The following TMIGD3 variants were observed in gnomAD, a reference collection of about 807,000 sequenced individuals.
TMIGD3 encodes transmembrane and immunoglobulin domain containing 3.
TMIGD3 carries 21 observed loss-of-function variants against 28.1 expected under a neutral mutation model. That is an observed-to-expected ratio of 0.75 (90% CI 0.53 to 1.08). The LOEUF is 1.08. Among genes scored for constraint, TMIGD3 ranks in the 50% least tolerant of loss-of-function variants. The probability of loss-of-function intolerance (pLI) is 0.00; values close to 1 mark genes in which losing one functional copy is unlikely to be tolerated. For missense variants in TMIGD3, 416 were observed against 435.6 expected (o/e 0.96, Z 0.40); for synonymous variants, 151 against 162.1 (o/e 0.93, Z 0.52).
At position 111,503,095 on chromosome 1, in the gene TMIGD3, G is replaced by A. The variant is rs1465287032; in HGVS notation, c.260C>T (p.Thr87Ile). The A allele has an allele frequency of 3.1e-6, 5 of 1,614,096 alleles. No individual in the cohort carries two copies. Among genetic ancestry groups the A allele is most frequent in the Admixed American group, 1.7e-5 (1 of 60,010 alleles). ...GTGGGTAAAGATAAGCAGTAGGCAA[G>A]TCATAAAAAGGCAGCTGTAGAAGTG... Reference protein sequence around the residue: ...TIHFYSCLFMTCLLLIFTHAS... With the variant: ...TIHFYSCLFMICLLLIFTHAS... The change falls in exon 1 of 6, where the codon ACT (threonine) becomes ATT (isoleucine). Residue 87 changes from threonine to isoleucine, a missense_variant. Thr to Ile is a moderately conservative substitution (Grantham distance 89). Coordinates refer to ENST00000369716, the MANE Select transcript of TMIGD3 (RefSeq NM_020683.7).
intron 1 of TMIGD3, among the ~76,000 whole-genome samples, chr1:111,497,963 C>T (rs1428173539): frequency 6.6e-6 from 1 of 152,098 alleles, no homozygotes; most frequent in Non-Finnish European, 1.5e-5. Context: ...TCCAATGGGG[C>T]AAAAGTTGTT....
intron 1 of TMIGD3, among the ~76,000 whole-genome samples, chr1:111,534,954 C>T (rs1478788912): frequency 6.6e-6 from 1 of 152,106 alleles, no homozygotes. Context: ...TATCAGGAAA[C>T]AAAGAGACAC....
At position 111,503,127 on chromosome 1, in the gene TMIGD3, G is replaced by T; in HGVS notation, c.228C>A (p.Ile76=). 6.2e-7 allele frequency: 1 copy of T among 1,614,208 alleles called. No individual in the cohort carries two copies. Among genetic ancestry groups the T allele is most frequent in the Non-Finnish European group, 8.5e-7 (1 of 1,180,036 alleles). ...MPLAIVVSLG[I]TIHFYSCLFM... ...AAAGGCAGCTGTAGAAGTGGATTGTGATGCCCAGGCTGACAACAATGGCCA... is the reference window on the plus strand; with the variant it reads ...AAAGGCAGCTGTAGAAGTGGATTGTTATGCCCAGGCTGACAACAATGGCCA... The change falls in exon 1 of 6, where the codon ATC becomes ATA. Residue 76 remains isoleucine (I), a synonymous_variant. Coordinates refer to ENST00000369716, the MANE Select transcript of TMIGD3 (RefSeq NM_020683.7).
At chr1:111,518,738 T>C (rs1173198734) in intron 1 of TMIGD3, among the ~76,000 whole-genome samples, 3 of 152,204 alleles carry the variant, frequency 2.0e-5, no homozygotes, top group Non-Finnish European at 2.9e-5. Context: ...AACTAGATAC[T>C]GAAATCTACT....
chr1:111,509,121 C>T (rs2100992461), intron 1 of TMIGD3, among the ~76,000 whole-genome samples: 1 of 152,266 alleles, frequency 6.6e-6, no homozygotes, highest in East Asian at 1.9e-4. Flanking sequence ...AAAAGCAGCA[C>T]CAGGATGGGA....
At chr1:111,520,888 G>T (rs79464777) in intron 1 of TMIGD3, among the ~76,000 whole-genome samples, 2 of 152,166 alleles carry the variant, frequency 1.3e-5, no homozygotes, top group Non-Finnish European at 2.9e-5. Context: ...TAAAGTGCAC[G>T]CTTTGACTTA....
At chr1:111,490,327 A>G (rs1220640996) in intron 2 of TMIGD3, 1 of 243,066 alleles carries the variant, frequency 4.1e-6, no homozygotes, top group Non-Finnish European at 7.9e-6. Flanking sequence ...AAAAATATGG[A>G]ATGCGTAATG....
chr1:111,511,925 G>A (rs1156836237), intron 1 of TMIGD3, among the ~76,000 whole-genome samples: 2 of 152,162 alleles, frequency 1.3e-5, no homozygotes, highest in Non-Finnish European at 2.9e-5. Context: ...TGTTCATGAT[G>A]GGGTTTTTAG....
At chr1:111,506,641 T>C (rs1479998685), upstream of TMIGD3, among the ~76,000 whole-genome samples, 1 of 152,116 alleles carries the variant, frequency 6.6e-6, no homozygotes, top group South Asian at 2.1e-4. Context: ...CTGGGTTTGA[T>C]GTTGCCATGC....
At chr1:111,517,093 G>T (rs1655895497) in intron 1 of TMIGD3, among the ~76,000 whole-genome samples, 1 of 152,176 alleles carries the variant, frequency 6.6e-6, no homozygotes, top group African/African-American at 2.4e-5. Context: ...GTGCAGGAGT[G>T]CAAGCTCATG....
intron 1 of TMIGD3, among the ~76,000 whole-genome samples, chr1:111,536,813 CT>C (rs1340425635): frequency 1.3e-5 from 2 of 152,034 alleles, no homozygotes; most frequent in African/African-American, 4.8e-5. Context: ...TTGTCCCTTC[CT>C]TTCCTCTCCA....
At chr1:111,523,635 G>A (rs181859310) in intron 1 of TMIGD3, among the ~76,000 whole-genome samples, 98 of 152,058 alleles carry the variant, frequency 6.4e-4, no homozygotes, top group African/African-American at 2.1e-3. Context: ...TATGGGCTTC[G>A]AGTTTTCTTT....
intron 1 of TMIGD3, among the ~76,000 whole-genome samples, chr1:111,535,220 C>T (rs1469760557): frequency 1.3e-5 from 2 of 152,212 alleles, no homozygotes; most frequent in African/African-American, 2.4e-5. Flanking sequence ...ACTATTATAT[C>T]GAAATGTATC....
rs576010822 is a variant in TMIGD3, at chr1:111,523,792, G to A, written c.108-33030C>T. Among the ~76,000 whole-genome samples, 10 of 151,954 alleles carry A rather than the reference G, an allele frequency of 6.6e-5. 2 individuals carry two copies. The highest frequency in any genetic ancestry group is 2.4e-4 in the African/African-American group (10 of 41,460). On this transcript the variant is annotated intron_variant, in intron 1 of 5. Transcript: ENST00000369717. ...GATTATCCTTTCAGTGTGTGTGGGA[G>A]CCGTAGTTATGTGCCCTTTTTAATT...
chr1:111,560,791 TG>T (rs1171557263), intron 1 of TMIGD3, among the ~76,000 whole-genome samples: 1 of 152,144 alleles, frequency 6.6e-6, no homozygotes, highest in Non-Finnish European at 1.5e-5. Flanking sequence ...AGCACCTGGC[TG>T]GGTAAATAGT....
chr1:111,514,643 A>AACACACACAC lies in TMIGD3; in HGVS notation c.108-23891_108-23882dup, dbSNP rs113195244. Reference sequence around the variant, plus strand: ...TATATGAGTGTGCATACAGTATGGGAACACACACACACACACACACACACA... The same window carrying AACACACACAC: ...TATATGAGTGTGCATACAGTATGGGAACACACACACACACACACACACACACACACACACA... On this transcript the variant is annotated intron_variant, in intron 1 of 5. Coordinates refer to the TMIGD3 transcript ENST00000369717. Among the ~76,000 whole-genome samples the AACACACACAC allele has an allele frequency of 6.4e-3, 949 of 149,006 alleles. 11 individuals are homozygous for AACACACACAC. Among genetic ancestry groups the AACACACACAC allele is most frequent in the African/African-American group, 0.021 (838 of 40,576 alleles).
chr1:111,514,413 G>A (rs1304157934), intron 1 of TMIGD3, among the ~76,000 whole-genome samples: 2 of 151,952 alleles, frequency 1.3e-5, no homozygotes, highest in Non-Finnish European at 2.9e-5. Context: ...AGTTGGGCGT[G>A]GTGTAAAAAA....
intron 2 of TMIGD3, chr1:111,489,873 C>T (rs895685100): frequency 2.1e-5 from 11 of 520,214 alleles, no homozygotes; most frequent in African/African-American, 4.2e-5. Flanking sequence ...GAGGAAGTCA[C>T]GCACACCATG....
chr1:111,520,079 C>G (rs1337259208), intron 1 of TMIGD3, among the ~76,000 whole-genome samples: 1 of 152,198 alleles, frequency 6.6e-6, no homozygotes, highest in Non-Finnish European at 1.5e-5. Flanking sequence ...ACAGGACGAA[C>G]AGGAACCTCT....
Sources: gnomAD v4.1 joint callset for allele counts (sites outside exome capture counted in the v4.1 genomes callset) on GRCh38, gnomAD v4.1.1 for gene constraint, MANE v1.5 for transcripts, NCBI Gene and HGNC (gene_info 2026-07-23, HGNC 2026-07-21) for gene names.